Variants in ZEB2 observed in about 807,000 individuals in gnomAD.
ZEB2 encodes zinc finger E-box binding homeobox 2.
In ZEB2, 6 loss-of-function variants were observed where a neutral mutation model predicts 99.9. That is an observed-to-expected ratio of 0.06 (90% CI 0.03 to 0.12). The LOEUF (loss-of-function observed/expected upper bound fraction) is 0.12. Ranked by LOEUF, ZEB2 falls within the 10% of genes least tolerant of loss-of-function variation. The pLI, the probability that ZEB2 is intolerant of heterozygous loss-of-function variation, is 1.00. For synonymous variants in ZEB2, 517 were observed against 542.5 expected (o/e 0.95, Z 0.65); for missense variants, 969 against 1,502.8 (o/e 0.64, Z 5.87).
chr2:144,480,110 A>G (rs1298056466), intron 2 of ZEB2, among the ~76,000 whole-genome samples: 1 of 152,216 alleles, frequency 6.6e-6, no homozygotes, highest in African/African-American at 2.4e-5. Context: ...TTTTAGGCAT[A>G]GTTGACTAAA....
At chr2:144,404,785 G>A (rs770157317) in intron 5 of ZEB2, 51 bp downstream of exon 5, 5 of 1,590,550 alleles carry the variant, frequency 3.1e-6, no homozygotes, top group Non-Finnish European at 4.3e-6. Context: ...ATTTGTAATT[G>A]TAACAGCTGC....
At chr2:144,475,486 ATGTGCG>A (rs1704417508) in intron 2 of ZEB2, among the ~76,000 whole-genome samples, 1 of 152,200 alleles carries the variant, frequency 6.6e-6, no homozygotes, top group Admixed American at 6.5e-5. Context: ...ACATATACAT[ATGTGCG>A]TGTATATATA....
At chr2:144,501,316 A>G (rs79945568) in intron 2 of ZEB2, among the ~76,000 whole-genome samples, 3,552 of 152,262 alleles carry the variant, frequency 0.023, 58 homozygotes, top group South Asian at 0.047. Flanking sequence ...TGCTCACTTG[A>G]ATGAGTCCTG....
At chr2:144,474,745 G>C (rs1270515344) in intron 2 of ZEB2, among the ~76,000 whole-genome samples, 1 of 152,050 alleles carries the variant, frequency 6.6e-6, no homozygotes, top group Non-Finnish European at 1.5e-5. Context: ...CCATAACCAT[G>C]ACCATTCATT....
intron 2 of ZEB2, among the ~76,000 whole-genome samples, chr2:144,490,279 G>C (rs1188811275): frequency 6.6e-6 from 1 of 152,104 alleles, no homozygotes; most frequent in Non-Finnish European, 1.5e-5. Flanking sequence ...CATCTGCTGA[G>C]AAAATTAAAT....
intron 2 of ZEB2, chr2:144,515,989 G>C (rs1200629416): frequency 2.0e-5 from 3 of 152,178 alleles, no homozygotes; most frequent in Non-Finnish European, 4.4e-5. Context: ...AGTGGGCCCG[G>C]GCGGTCCCCG....
At position 144,389,277 on chromosome 2, in the gene ZEB2, T is replaced by C; in HGVS notation, c.*174A>G. 3 of 746,168 alleles carry C rather than the reference T, an allele frequency of 4.0e-6. No individual in the cohort carries two copies. Among genetic ancestry groups the C allele is most frequent in the Non-Finnish European group, 6.6e-6 (3 of 452,294 alleles). 46.2% of individuals were successfully genotyped at this position (746,168 alleles called of 1,614,324 possible). The stretch of plus-strand genomic sequence containing the variant: ...TTTTGCATAATGCAGTTTTTAACAA[T>C]ACCCAGCTCCAACTCCGTCTACATC... On this transcript the variant is annotated 3_prime_UTR_variant, in exon 10 of 10. Transcript: ENST00000627532. This position sits in a 1 kb window ranked among gnomAD's most constrained non-coding sequence, Gnocchi z 6.8.
intron 4 of ZEB2, among the ~76,000 whole-genome samples, chr2:144,423,316 T>C (rs1703645272): frequency 6.6e-6 from 1 of 152,244 alleles, no homozygotes; most frequent in Non-Finnish European, 1.5e-5. Flanking sequence ...CATTTATCTT[T>C]AAAAGGAACT....
intron 6 of ZEB2, 81 bp from the exon 7 acceptor site, chr2:144,401,388 T>C: frequency 7.2e-7 from 1 of 1,398,474 alleles, no homozygotes; most frequent in Non-Finnish European, 1.0e-6. Context: ...AAAAGGCCTC[T>C]GTTTTTCAGA....
intron 2 of ZEB2, among the ~76,000 whole-genome samples, chr2:144,452,608 C>G (rs1704068973): frequency 6.6e-6 from 1 of 152,290 alleles, no homozygotes; most frequent in East Asian, 1.9e-4. Flanking sequence ...GTAATGATTG[C>G]AGATCGTGTC....
intron 2 of ZEB2, among the ~76,000 whole-genome samples, chr2:144,498,492 G>A (rs1296990256): frequency 1.3e-5 from 2 of 152,054 alleles, no homozygotes; most frequent in African/African-American, 2.4e-5. Flanking sequence ...CACCCTCGCT[G>A]AAAGTGAACT....
intron 4 of ZEB2, among the ~76,000 whole-genome samples, chr2:144,417,023 T>A (rs1178773713): frequency 6.6e-6 from 1 of 152,230 alleles, no homozygotes; most frequent in Admixed American, 6.5e-5. Flanking sequence ...ATATTTTACA[T>A]GCATTTCGTA....
At chr2:144,419,691 G>T (rs1328671832) in intron 4 of ZEB2, among the ~76,000 whole-genome samples, 4 of 151,888 alleles carry the variant, frequency 2.6e-5, no homozygotes, top group African/African-American at 9.7e-5. Context: ...ATTTCATTTT[G>T]AATTTAAATC....
intron 4 of ZEB2, among the ~76,000 whole-genome samples, chr2:144,419,428 A>G (rs1034469598): frequency 6.6e-6 from 1 of 152,188 alleles, no homozygotes; most frequent in Admixed American, 6.5e-5. Flanking sequence ...ATAGCCCTTT[A>G]TAACTAGAGG....
intron 2 of ZEB2, among the ~76,000 whole-genome samples, chr2:144,473,951 C>G (rs1704395157): frequency 6.6e-6 from 1 of 152,260 alleles, no homozygotes; most frequent in Admixed American, 6.5e-5. Flanking sequence ...TCTAATGATT[C>G]ATCCGGTTTT....
At chr2:144,405,707 CA>C (rs1309967644) in intron 4 of ZEB2, among the ~76,000 whole-genome samples, 1 of 151,680 alleles carries the variant, frequency 6.6e-6, no homozygotes, top group East Asian at 1.9e-4. Flanking sequence ...AAATTAAGCT[CA>C]CAGCTGATAG....
chr2:144,456,955 C>T (rs1265424448), intron 2 of ZEB2, among the ~76,000 whole-genome samples: 1 of 152,104 alleles, frequency 6.6e-6, no homozygotes, highest in African/African-American at 2.4e-5. Context: ...ATCGTTCCAG[C>T]TCTCACACTC....
At chr2:144,450,988 T>C (rs1170280796) in intron 2 of ZEB2, among the ~76,000 whole-genome samples, 1 of 152,202 alleles carries the variant, frequency 6.6e-6, no homozygotes, top group Admixed American at 6.5e-5. Context: ...TGGTTTATTT[T>C]TTTTAAAGTT....
Position 144,389,724 on chromosome 2 carries a change from C to T in ZEB2, c.3372G>A (p.Ser1124=). ...CCCTCGGCATACTCTCCCTCTCCTC[C>T]GAGTCAGAGTACCCCTGAGGGGTAA... The part of the protein sequence containing the change: ...QSITPQGYSD[S]EERESMPRDG... Residue 1124 remains serine (S), a synonymous_variant, in exon 10 of 10, where the codon TCG becomes TCA. Transcript: ENST00000627532. This position sits in a 1 kb window ranked among gnomAD's most constrained non-coding sequence, Gnocchi z 6.8. 1.2e-6 allele frequency: 2 copies of T among 1,613,030 alleles called. No homozygotes were observed. The highest frequency in any genetic ancestry group is 1.7e-6 in the Non-Finnish European group (2 of 1,179,294).
Sources: gnomAD v4.1 joint callset for allele counts (sites outside exome capture counted in the v4.1 genomes callset) on GRCh38, gnomAD v4.1.1 for gene constraint, Gnocchi (gnomAD v3.1) non-coding constraint, MANE v1.5 for transcripts, NCBI Gene and HGNC (gene_info 2026-07-23, HGNC 2026-07-21) for gene names.